PRDM2: variants seen among roughly 807,000 people sequenced by gnomAD.
PRDM2 encodes the protein PR/SET domain 2.
Under a neutral mutation model 130.0 loss-of-function variants are expected in PRDM2, and 30 were observed. That is an observed-to-expected ratio of 0.23 (90% confidence interval 0.17 to 0.31). The LOEUF is 0.31. PRDM2 is among the 10% of genes least tolerant of loss of function. PRDM2 has a pLI of 1.00. For synonymous variants in PRDM2, 871 were observed against 782.4 expected (o/e 1.11, Z -1.89); for missense variants, 2,011 against 2,108.4 (o/e 0.95, Z 0.90).
chr1:13,821,882 C>A (rs1028421530), intron 9 of PRDM2, among the ~76,000 whole-genome samples: 3 of 152,218 alleles, frequency 2.0e-5, no homozygotes, highest in Non-Finnish European at 2.9e-5. Context: ...ACTGGAAGAG[C>A]ACACAGATGC....
At chr1:13,822,975 C>T (rs1645377876) in intron 9 of PRDM2, among the ~76,000 whole-genome samples, 184 bp from the exon 10 acceptor site, 1 of 152,158 alleles carries the variant, frequency 6.6e-6, no homozygotes, top group Non-Finnish European at 1.5e-5. Flanking sequence ...GATTCTTCAT[C>T]TGGGTGCCAG....
intron 2 of PRDM2, among the ~76,000 whole-genome samples, chr1:13,728,245 C>T (rs1432963706): frequency 1.3e-5 from 2 of 152,222 alleles, no homozygotes; most frequent in South Asian, 2.1e-4. Flanking sequence ...GGGAACACAA[C>T]ACTGAATAAG....
intron 4 of PRDM2, among the ~76,000 whole-genome samples, chr1:13,737,094 G>A (rs1242841513): frequency 1.3e-5 from 2 of 152,174 alleles, no homozygotes; most frequent in Non-Finnish European, 2.9e-5. Context: ...AAAATTGCAG[G>A]CAAGAAGAGA....
intron 4 of PRDM2, 106 bp from the exon 5 acceptor site, chr1:13,741,899 G>T (rs1643457553): frequency 5.8e-6 from 5 of 856,110 alleles, no homozygotes; most frequent in South Asian, 1.8e-5. Flanking sequence ...TTTATATAGA[G>T]TACTTGCATA....
At chr1:13,783,165 A>G (rs989363760) in intron 8 of PRDM2, 12 of 541,766 alleles carry the variant, frequency 2.2e-5, no homozygotes, top group Non-Finnish European at 4.3e-5. Flanking sequence ...GTAATAGCTC[A>G]GTGTCATGTG....
intron 7 of PRDM2, among the ~76,000 whole-genome samples, chr1:13,774,078 C>A (rs187358596): frequency 1.1e-4 from 17 of 152,244 alleles, no homozygotes; most frequent in African/African-American, 4.1e-4. Context: ...TCGTGTTTGT[C>A]CCCTTAAAAT....
chr1:13,794,903 A>G (rs1190401178), intron 8 of PRDM2, among the ~76,000 whole-genome samples: 1 of 152,224 alleles, frequency 6.6e-6, no homozygotes, highest in East Asian at 1.9e-4. Flanking sequence ...TACCAGTGGC[A>G]CCAAGGACCT....
chr1:13,782,254 A>C lies in PRDM2; in HGVS notation c.4459A>C (p.Lys1487Gln), dbSNP rs141416335. ...SCPKKPLSPP[K>Q]KKVSHSSKKG... Reference sequence around the variant, plus strand: ...TCCCAAAAAACCCCTTTCTCCTCCCAAAAAAAAAGTTTCTCATTCATCTAA... The same window carrying C: ...TCCCAAAAAACCCCTTTCTCCTCCCCAAAAAAAAGTTTCTCATTCATCTAA... The change falls in exon 8 of 10, where the codon AAA (lysine) becomes CAA (glutamine). Residue 1487 changes from lysine to glutamine, a missense_variant. Lys to Gln is a moderately conservative substitution (Grantham distance 53). Around this residue, in one of 5 missense-constraint regions of PRDM2, gnomAD observed 410 missense variants for 395.9 expected, o/e 1.04. Coordinates refer to ENST00000311066, the MANE Select transcript of PRDM2 (RefSeq NM_001393986.1). 4.7e-5 allele frequency: 75 copies of C among 1,591,934 alleles called. No homozygotes were observed. Among genetic ancestry groups the C allele is most frequent in the African/African-American group, 3.1e-4 (23 of 73,506 alleles).
At chr1:13,733,144 T>C (rs1481254680) in intron 4 of PRDM2, among the ~76,000 whole-genome samples, 1 of 152,198 alleles carries the variant, frequency 6.6e-6, no homozygotes, top group African/African-American at 2.4e-5. Flanking sequence ...GTGTTTTGCT[T>C]TGCAACTAAG....
At chr1:13,751,888 A>G (rs1421061294) in intron 6 of PRDM2, among the ~76,000 whole-genome samples, 1 of 152,110 alleles carries the variant, frequency 6.6e-6, no homozygotes, top group South Asian at 2.1e-4. Flanking sequence ...GTGTTTGGGT[A>G]GAGCAAAGCC....
At chr1:13,740,448 A>G (rs1643404497) in intron 4 of PRDM2, among the ~76,000 whole-genome samples, 1 of 152,166 alleles carries the variant, frequency 6.6e-6, no homozygotes, top group Admixed American at 6.5e-5. Context: ...GTTACTGTGT[A>G]CAGATACTCT....
At chr1:13,807,892 G>A (rs1474980187) in intron 8 of PRDM2, among the ~76,000 whole-genome samples, 1 of 152,192 alleles carries the variant, frequency 6.6e-6, no homozygotes, top group Non-Finnish European at 1.5e-5. Flanking sequence ...TATGAGCCGG[G>A]AGTGGACCAG....
chr1:13,774,717 C>T (rs1363574534), intron 7 of PRDM2, among the ~76,000 whole-genome samples: 1 of 152,176 alleles, frequency 6.6e-6, no homozygotes, highest in Non-Finnish European at 1.5e-5. Context: ...TGGCTCACGC[C>T]TGTAATCCCA....
intron 5 of PRDM2, among the ~76,000 whole-genome samples, chr1:13,747,946 G>A (rs1643664860): frequency 6.6e-6 from 1 of 152,052 alleles, no homozygotes; most frequent in Admixed American, 6.5e-5. Context: ...AAAAGAAAAC[G>A]TTTCCACATT....
Position 13,787,806 on chromosome 1 carries a change from A to G in PRDM2, c.5036+4975A>G, listed in dbSNP as rs966332264. ...TTTTTGGAGAGTGCTATAAAAGACT[A>G]TTCTAATGAAAACATTAAAATTTAC... On this transcript the variant is annotated intron_variant, in intron 8 of 9. Coordinates refer to ENST00000311066, the MANE Select transcript of PRDM2 (RefSeq NM_001393986.1). 4.1e-6 allele frequency: 4 copies of G among 981,242 alleles called. No individual in the cohort carries two copies. In the African/African-American group the frequency reaches 5.3e-5, roughly 13 times the overall value. The allele number at this position is 981,242 out of a possible 1,614,324, so 60.8% of individuals were successfully genotyped here.
At chr1:13,762,819 C>T (rs1484163486) in intron 6 of PRDM2, among the ~76,000 whole-genome samples, 1 of 152,176 alleles carries the variant, frequency 6.6e-6, no homozygotes, top group Non-Finnish European at 1.5e-5. Flanking sequence ...ACTTTACATC[C>T]TCCCCTGCGA....
At chr1:13,733,079 T>A (rs1643159803) in intron 4 of PRDM2, among the ~76,000 whole-genome samples, 197 bp downstream of exon 4, 1 of 152,234 alleles carries the variant, frequency 6.6e-6, no homozygotes, top group South Asian at 2.1e-4. Flanking sequence ...TTGAAACTGC[T>A]TGGCTGTCCT....
chr1:13,708,747 A>G (rs959996238), intron 1 of PRDM2, among the ~76,000 whole-genome samples: 1 of 152,156 alleles, frequency 6.6e-6, no homozygotes, highest in African/African-American at 2.4e-5. Context: ...ACTCTGTGTT[A>G]AACATTGTCT....
Position 13,727,824 on chromosome 1 carries a change from T to C in PRDM2, c.10-3176T>C, listed in dbSNP as rs1183022883. On this transcript the variant is annotated intron_variant, in intron 2 of 9. Coordinates refer to ENST00000311066, the MANE Select transcript of PRDM2 (RefSeq NM_001393986.1). ...TCTGGGAAATAGTGCCAGGATCAAA[T>C]TGTGATTCTTTAGTATAAGAATCAA... Among the ~76,000 whole-genome samples the C allele has an allele frequency of 2.6e-5, 4 of 152,230 alleles. No individual in the cohort carries two copies. In the East Asian group the frequency reaches 5.8e-4, roughly 22 times the overall value.
Sources: gnomAD v4.1 joint callset for allele counts (sites outside exome capture counted in the v4.1 genomes callset) on GRCh38, gnomAD v4.1.1 for gene constraint, gnomAD v4.1.1 regional missense constraint, MANE v1.5 for transcripts, NCBI Gene and HGNC (gene_info 2026-07-23, HGNC 2026-07-21) for gene names.